Variants in MFAP3 observed in about 807,000 individuals in gnomAD.
MFAP3 encodes microfibril associated protein 3, also known as microfibril-associated glycoprotein 3.
Under a neutral mutation model 20.5 loss-of-function variants are expected in MFAP3, and 8 were observed. The ratio of observed to expected loss-of-function variants is 0.39; its 90% CI spans 0.23 to 0.70. The LOEUF (loss-of-function observed/expected upper bound fraction) is 0.70. Ranked by LOEUF, MFAP3 falls within the 30% of genes least tolerant of loss-of-function variation. MFAP3 has a pLI of 0.44. For missense variants in MFAP3, 398 were observed against 444.6 expected (o/e 0.90, Z 0.94); for synonymous variants, 140 against 154.0 (o/e 0.91, Z 0.67).
intron 1 of MFAP3, among the ~76,000 whole-genome samples, chr5:154,045,675 CT>C (rs1773059185): frequency 6.6e-6 from 1 of 152,120 alleles, no homozygotes; most frequent in African/African-American, 2.4e-5. Flanking sequence ...AGAATAGATT[CT>C]GTTATTTTGC....
rs919095186 is a variant in MFAP3, at chr5:154,055,236, G to T, written c.*1523G>T. On this transcript the variant is annotated 3_prime_UTR_variant, in exon 3 of 3. Transcript: ENST00000522782. ...CTCCTGAGGGAAATGTTCAGAGGAG[G>T]TTTTATCAGGATTTTAATTTAAGGT... Among the ~76,000 whole-genome samples, 1 of 152,182 alleles carries T rather than the reference G, an allele frequency of 6.6e-6. No individual in the cohort carries two copies. The highest frequency in any genetic ancestry group is 2.4e-5 in the African/African-American group (1 of 41,444).
chr5:154,056,352 G>A lies in MFAP3; in HGVS notation c.*2639G>A, dbSNP rs545653879. On this transcript the variant is annotated 3_prime_UTR_variant, in exon 3 of 3. Transcript: ENST00000522782. ...ATTTAATTGGAGTTGGTATTACTTC[G>A]TAAAGCTAGTTTTCAAGAGGAAGAA... Among the ~76,000 whole-genome samples the A allele has an allele frequency of 2.6e-5, 4 of 152,252 alleles. No individual in the cohort carries two copies. The highest frequency in any genetic ancestry group is 4.1e-4 in the South Asian group (2 of 4,828).
Position 154,053,095 on chromosome 5 carries a change from T to C in MFAP3, c.471T>C (p.Ile157=). ...MSVYYMIVCL[I]AFTITLILNV... The stretch of plus-strand genomic sequence containing the variant: ...TCTATTACATGATTGTTTGCCTGAT[T>C]GCCTTTACAATCACACTCATCTTGA... Residue 157 remains isoleucine (I), a synonymous_variant, in exon 3 of 3, where the codon ATT becomes ATC. Transcript: ENST00000522782. 1 of 1,613,940 alleles carries C rather than the reference T, an allele frequency of 6.2e-7. No homozygotes were observed. Among genetic ancestry groups the C allele is most frequent in the Non-Finnish European group, 8.5e-7 (1 of 1,179,910 alleles).
In MFAP3 at chr5:154,049,974, T is replaced by C. The variant is rs1773149745; in HGVS notation, c.252T>C (p.His84=). The C allele has an allele frequency of 2.5e-6, 4 of 1,611,848 alleles. No individual in the cohort carries two copies. Among genetic ancestry groups the C allele is most frequent in the Non-Finnish European group, 2.5e-6 (3 of 1,178,118 alleles). The stretch of plus-strand genomic sequence containing the variant: ...CAGCCAGTCACTATGAAGATGTCCA[T>C]TGGCACAATTCAAAAGGACAGCAAC... ...LLTASHYEDV[H]WHNSKGQQLD... is the part of the protein sequence containing the mutation. Residue 84 remains histidine (H), a synonymous_variant, in exon 2 of 3, where the codon CAT becomes CAC. Transcript: ENST00000522782.
chr5:154,039,133 A>T (rs1209926713), intron 1 of MFAP3, 122 bp downstream of exon 1: 1 of 152,336 alleles, frequency 6.6e-6, no homozygotes, highest in Non-Finnish European at 1.5e-5. Context: ...TTCTTTTGAA[A>T]GTCTGGCCTG....
intron 1 of MFAP3, among the ~76,000 whole-genome samples, chr5:154,043,476 G>A (rs986131246): frequency 6.6e-6 from 1 of 150,828 alleles, no homozygotes; most frequent in Non-Finnish European, 1.5e-5. Context: ...GCTTGAACCT[G>A]GGGGGTGGAG....
chr5:154,042,778 A>C (rs1208980664), intron 1 of MFAP3, among the ~76,000 whole-genome samples: 2 of 152,178 alleles, frequency 1.3e-5, no homozygotes, highest in African/African-American at 4.8e-5. Context: ...AATGCAGCCT[A>C]GAACACATTT....
rs1375967833 is a variant in MFAP3 at position 154,055,821 on chromosome 5, C to A, written c.*2108C>A. On this transcript the variant is annotated 3_prime_UTR_variant, in exon 3 of 3. Transcript: ENST00000522782. The stretch of plus-strand genomic sequence containing the variant: ...TGGGGGTCTCACTTTGTTGCCCAGG[C>A]TGACCTTGTACTTGTGGCTTCAAAT... Among the ~76,000 whole-genome samples, 1 of 152,054 alleles carries A rather than the reference C, an allele frequency of 6.6e-6. No homozygotes were observed. The highest frequency in any genetic ancestry group is 1.5e-5 in the Non-Finnish European group (1 of 67,982).
At chr5:154,040,317 G>C (rs1300443249) in intron 1 of MFAP3, among the ~76,000 whole-genome samples, 2 of 152,032 alleles carry the variant, frequency 1.3e-5, no homozygotes, top group East Asian at 3.8e-4. Flanking sequence ...TTCTGTAAAG[G>C]ATATTTTCCA....
chr5:154,049,525 T>C, intron 1 of MFAP3, 32 bp from the exon 2 acceptor site: 1 of 567,266 alleles, frequency 1.8e-6, no homozygotes, highest in Admixed American at 3.3e-5. Flanking sequence ...TGAATCTCAG[T>C]TGGTTAAACT....
In MFAP3 at chr5:154,053,966, A is replaced by C; in HGVS notation, c.*253A>C. On this transcript the variant is annotated 3_prime_UTR_variant, in exon 3 of 3. Transcript: ENST00000522782. ...AGATTTAAAGGAGCCCCAGATAAAC[A>C]TGATGGGGAAAAGCACTGAACTAAG... 1 of 404,268 alleles carries C rather than the reference A, an allele frequency of 2.5e-6. No homozygotes were observed. The highest frequency in any genetic ancestry group is 4.6e-6 in the Non-Finnish European group (1 of 215,880). The allele number at this position is 404,268 out of a possible 1,614,324, so 25.0% of individuals were successfully genotyped here.
rs768467958 is a variant in MFAP3 at position 154,049,713 on chromosome 5, C to A, written c.-10C>A. On this transcript the variant is annotated 5_prime_UTR_variant, in exon 2 of 3. Coordinates refer to ENST00000522782, the MANE Select transcript of MFAP3 (RefSeq NM_005927.5). ...CTCCAAATCTAAACAAGATTTTGTC[C>A]CATTTTCCCATGAAGCTACATTGTT... is the stretch of plus-strand genomic sequence containing the variant. 3.7e-6 allele frequency: 6 copies of A among 1,603,468 alleles called. No individual in the cohort carries two copies. The highest frequency in any genetic ancestry group is 1.7e-4 in the Middle Eastern group (1 of 6,030).
In MFAP3 at chr5:154,051,670, A is replaced by G. The variant is rs187167793; in HGVS notation, c.296-1250A>G. ...AAGCTTATGGAAAATGGCTATATTC[A>G]TAACTACATGTTTTCCTCTTTTTGT... On this transcript the variant is annotated intron_variant, in intron 2 of 2. Coordinates refer to ENST00000522782, the MANE Select transcript of MFAP3 (RefSeq NM_005927.5). 6 of 152,318 alleles carry G rather than the reference A, an allele frequency of 3.9e-5. No homozygotes were observed. The East Asian group carries it at 5.8e-4, about 15-fold the overall frequency. The allele number at this position is 152,318 out of a possible 1,614,324, so 9.4% of individuals were successfully genotyped here.
intron 1 of MFAP3, among the ~76,000 whole-genome samples, chr5:154,041,700 A>G (rs1208925648): frequency 6.6e-6 from 1 of 152,186 alleles, no homozygotes; most frequent in Non-Finnish European, 1.5e-5. Context: ...TTTAGGACCA[A>G]TTCTGAGTGT....
rs753362048 is a variant in MFAP3 at position 154,053,500 on chromosome 5, G to C, written c.876G>C (p.Arg292=). ...ATGTCATTAACCCAGAGATGGGACG[G>C]AGTAATTCACCAGGAGGAGATTCAG... The part of the protein sequence containing the change: ...GIYVINPEMG[R]SNSPGGDSDD... The change falls in exon 3 of 3, where the codon CGG becomes CGC. Residue 292 remains arginine (R), a synonymous_variant. Coordinates refer to ENST00000522782, the MANE Select transcript of MFAP3 (RefSeq NM_005927.5). 1.9e-6 allele frequency: 3 copies of C among 1,613,790 alleles called. No individual in the cohort carries two copies. The East Asian group carries it at 6.7e-5, about 36-fold the overall frequency.
At position 154,043,288 on chromosome 5, in the gene MFAP3, G is replaced by A. The variant is rs537120512; in HGVS notation, c.-167+4277G>A. Among the ~76,000 whole-genome samples the A allele has an allele frequency of 5.3e-5, 8 of 152,192 alleles. No individual in the cohort carries two copies. In the East Asian group the frequency reaches 7.7e-4, roughly 15 times the overall value. On this transcript the variant is annotated intron_variant, in intron 1 of 2. Coordinates refer to ENST00000522782, the MANE Select transcript of MFAP3 (RefSeq NM_005927.5). ...ATATAGGCTGGGCGCGGTGGCTCAC[G>A]CCTGTAATCCCAGCACTTTGGGAGG... is the stretch of plus-strand genomic sequence containing the variant.
At chr5:154,047,772 A>C (rs988353987) in intron 1 of MFAP3, among the ~76,000 whole-genome samples, 5 of 152,216 alleles carry the variant, frequency 3.3e-5, no homozygotes, top group African/African-American at 1.2e-4. Context: ...ACAACAAAAA[A>C]GACAGGAGAA....
At chr5:154,050,334 G>T (rs1367206853) in intron 2 of MFAP3, among the ~76,000 whole-genome samples, 1 of 152,134 alleles carries the variant, frequency 6.6e-6, no homozygotes, top group Non-Finnish European at 1.5e-5. Context: ...CAGCTGTACA[G>T]GTGGTATACA....
rs1172218584 is a variant in MFAP3 at position 154,053,054 on chromosome 5, TC to T, written c.431del (p.Ser144TrpfsTer4). On this transcript the variant is annotated frameshift_variant, in exon 3 of 3. Transcript: ENST00000522782. LOFTEE classifies it high-confidence loss of function. ...YSVTLRVIFT[S>X]GDMSVYYMIV... ...TGTCACCCTACGTGTTATCTTCACC[TC>T]GGGAGACATGAGTGTCTATTACATG... 5.0e-6 allele frequency: 8 copies of T among 1,613,890 alleles called. No individual in the cohort carries two copies. Among genetic ancestry groups the T allele is most frequent in the Non-Finnish European group, 6.8e-6 (8 of 1,179,886 alleles).
Sources: allele counts gnomAD v4.1 joint callset (sites outside exome capture counted in the v4.1 genomes callset), GRCh38; gene constraint gnomAD v4.1.1; transcripts MANE v1.5; gene names NCBI Gene and HGNC (gene_info 2026-07-23, HGNC 2026-07-21).